Variants in PTH2R observed in about 807,000 individuals in gnomAD.
The protein encoded by PTH2R is parathyroid hormone 2 receptor, also known as PTH2 receptor.
Under a neutral mutation model 60.3 loss-of-function variants are expected in PTH2R, and 59 were observed. The observed-to-expected ratio is 0.98, with a 90% CI of 0.79 to 1.22. The LOEUF is 1.22. Among genes scored for constraint, PTH2R ranks in the 50% most tolerant of loss-of-function variants. The probability of loss-of-function intolerance (pLI) is 0.00; values close to 1 mark genes in which losing one functional copy is unlikely to be tolerated. For missense variants in PTH2R, 749 were observed against 682.6 expected (o/e 1.10, Z -1.08); for synonymous variants, 256 against 243.8 (o/e 1.05, Z -0.47).
At chr2:208,381,020 G>C (rs1304831057) in intron 1 of PTH2R, among the ~76,000 whole-genome samples, 3 of 152,064 alleles carry the variant, frequency 2.0e-5, no homozygotes, top group African/African-American at 7.3e-5. Context: ...TCTTTGGATA[G>C]AGTCCTGCAC....
At chr2:208,464,959 G>A (rs777447244) in intron 9 of PTH2R, among the ~76,000 whole-genome samples, 3 of 151,780 alleles carry the variant, frequency 2.0e-5, no homozygotes, top group Admixed American at 6.6e-5. Context: ...AACTACCAAC[G>A]GCCATTAAGC....
intron 1 of PTH2R, 109 bp from the exon 2 acceptor site, chr2:208,428,092 C>A: frequency 1.3e-6 from 1 of 753,064 alleles, no homozygotes; most frequent in Non-Finnish European, 2.1e-6. Context: ...TTTCAAATAG[C>A]TTGATATCAA....
chr2:208,442,532 C>T, intron 5 of PTH2R, 71 bp downstream of exon 5: 3 of 1,195,812 alleles, frequency 2.5e-6, no homozygotes, highest in Non-Finnish European at 2.5e-6. Flanking sequence ...ACATAGCGGT[C>T]TCACAATATT....
At chr2:208,371,630 A>G (rs759397807) in intron 1 of PTH2R, among the ~76,000 whole-genome samples, 2 of 152,158 alleles carry the variant, frequency 1.3e-5, no homozygotes, top group Non-Finnish European at 2.9e-5. Context: ...CTTTTATGGT[A>G]TATCTGTAGA....
chr2:208,365,925 GATAAATATATATAT>G (rs538326107), intron 1 of PTH2R, among the ~76,000 whole-genome samples: 1,529 of 52,848 alleles, frequency 0.029, 51 homozygotes, highest in African/African-American at 0.11. Flanking sequence ...TAATATAATA[GATAAATATATATAT>G]ATATATATAT....
chr2:208,473,938 G>T (rs1361456493), intron 9 of PTH2R, among the ~76,000 whole-genome samples: 1 of 152,060 alleles, frequency 6.6e-6, no homozygotes, highest in Admixed American at 6.6e-5. Context: ...GGAGCTGGGG[G>T]TATCTTAGAT....
chr2:208,492,038 T>A (rs576800538), intron 12 of PTH2R, among the ~76,000 whole-genome samples: 6 of 152,316 alleles, frequency 3.9e-5, no homozygotes, highest in African/African-American at 1.4e-4. Context: ...TCAGGTGACA[T>A]CAGCATACTG....
intron 8 of PTH2R, among the ~76,000 whole-genome samples, chr2:208,457,489 G>T (rs1301804649): frequency 2.0e-5 from 3 of 152,194 alleles, no homozygotes; most frequent in Admixed American, 1.3e-4. Context: ...ATGTGGAGCT[G>T]CTGAGCTCTA....
rs533398025 is a variant in PTH2R at position 208,383,117 on chromosome 2, T to C, written c.-259+22880T>C. Among the ~76,000 whole-genome samples, 45 of 152,378 alleles carry C rather than the reference T, an allele frequency of 3.0e-4. 1 individual carries two copies. The South Asian group carries it at 8.3e-3, about 28-fold the overall frequency. On this transcript the variant is annotated intron_variant, in intron 1 of 12. Coordinates refer to the PTH2R transcript ENST00000617735. ...GCCTTTTATATTAGTAAAACTGTTA[T>C]GTTATCTAGAAATTCATCAGTGGGA...
intron 1 of PTH2R, among the ~76,000 whole-genome samples, chr2:208,401,177 C>T (rs1011990393): frequency 2.0e-5 from 3 of 152,154 alleles, no homozygotes; most frequent in African/African-American, 7.2e-5. Context: ...TGAGTTTCTT[C>T]GCAGTCTCTT....
At chr2:208,373,733 A>C (rs191157988) in intron 1 of PTH2R, among the ~76,000 whole-genome samples, 11 of 152,232 alleles carry the variant, frequency 7.2e-5, no homozygotes, top group Admixed American at 3.3e-4. Flanking sequence ...GAAACTCTGG[A>C]AGGACCACTG....
chr2:208,398,233 C>T (rs1352482343), intron 1 of PTH2R, among the ~76,000 whole-genome samples: 1 of 152,128 alleles, frequency 6.6e-6, no homozygotes, highest in African/African-American at 2.4e-5. Context: ...GCAGATATAT[C>T]CTCATTATAA....
chr2:208,414,782 G>A (rs898714057), intron 1 of PTH2R, among the ~76,000 whole-genome samples: 5 of 151,970 alleles, frequency 3.3e-5, no homozygotes, highest in African/African-American at 9.7e-5. Flanking sequence ...AAGAAGGATC[G>A]AGGTTAACAT....
At chr2:208,477,691 A>G (rs897842869) in intron 9 of PTH2R, among the ~76,000 whole-genome samples, 7 of 151,918 alleles carry the variant, frequency 4.6e-5, no homozygotes, top group African/African-American at 1.7e-4. Flanking sequence ...AATTCATTCT[A>G]TGTGTTATTG....
chr2:208,379,098 AGT>A (rs1457579632), intron 1 of PTH2R, among the ~76,000 whole-genome samples: 1 of 152,200 alleles, frequency 6.6e-6, no homozygotes, highest in Non-Finnish European at 1.5e-5. Flanking sequence ...CAGTTTTCAA[AGT>A]GTGACTCTGC....
At chr2:208,442,324 A>C in intron 4 of PTH2R, 40 bp from the exon 5 acceptor site, 1 of 1,398,002 alleles carries the variant, frequency 7.2e-7, no homozygotes, top group South Asian at 1.2e-5. Flanking sequence ...TTATTGGTAA[A>C]ATAGTCCCAT....
intron 1 of PTH2R, among the ~76,000 whole-genome samples, chr2:208,411,734 T>G (rs1701543264): frequency 6.6e-6 from 1 of 152,234 alleles, no homozygotes; most frequent in Non-Finnish European, 1.5e-5. Flanking sequence ...CATTAAATTT[T>G]TAAACAGCCG....
chr2:208,428,468 C>G (rs116790657), intron 2 of PTH2R, among the ~76,000 whole-genome samples, 165 bp downstream of exon 2: 3,136 of 152,302 alleles, frequency 0.021, 115 homozygotes, highest in African/African-American at 0.07. Flanking sequence ...CATCTCTACC[C>G]TACATGCTTT....
chr2:208,367,570 A>G (rs933568852), intron 1 of PTH2R, among the ~76,000 whole-genome samples: 2 of 151,676 alleles, frequency 1.3e-5, no homozygotes, highest in African/African-American at 2.4e-5. Flanking sequence ...GGTTTTCACC[A>G]TATTGGCCAG....
Sources: gnomAD v4.1 joint callset for allele counts (sites outside exome capture counted in the v4.1 genomes callset) on GRCh38, gnomAD v4.1.1 for gene constraint, MANE v1.5 for transcripts, NCBI Gene and HGNC (gene_info 2026-07-23, HGNC 2026-07-21) for gene names.